NEBL: variants seen among roughly 807,000 people sequenced by gnomAD.
NEBL encodes LIM and SH3 protein 2.
NEBL carries 122 observed loss-of-function variants against 140.2 expected under a neutral mutation model. The observed-to-expected ratio is 0.87, with a 90% CI of 0.75 to 1.01. The LOEUF is 1.01. Among genes scored for constraint, NEBL ranks in the 50% least tolerant of loss-of-function variants. The probability of loss-of-function intolerance (pLI) is 0.00; values close to 1 mark genes in which losing one functional copy is unlikely to be tolerated. For missense variants in NEBL, 1,365 were observed against 1,231.3 expected, an observed-to-expected ratio of 1.11 and a Z score of -1.62; for synonymous variants, 436 against 398.9, an observed-to-expected ratio of 1.09 and a Z score of -1.11.
chr10:21,037,911 T>C (rs73607580), intron 2 of NEBL, among the ~76,000 whole-genome samples: 2,718 of 152,174 alleles, frequency 0.018, 89 homozygotes, highest in African/African-American at 0.062. Flanking sequence ...GTAAGAACCA[T>C]TTGCATCTTC....
intron 26 of NEBL, among the ~76,000 whole-genome samples, chr10:20,802,601 C>T (rs921946553): frequency 6.6e-6 from 1 of 152,140 alleles, no homozygotes. Context: ...ATGGAAAACA[C>T]ATAACCAAAA....
At chr10:21,106,254 C>T (rs1837712041) in intron 2 of NEBL, among the ~76,000 whole-genome samples, 1 of 152,198 alleles carries the variant, frequency 6.6e-6, no homozygotes, top group Non-Finnish European at 1.5e-5. Flanking sequence ...GTCATGGAGT[C>T]TTTGCCCATG....
At position 21,219,805 on chromosome 10, in the gene NEBL, G is replaced by T. The variant is rs145334673; in HGVS notation, n.348+28116C>A. Among the ~76,000 whole-genome samples the T allele has an allele frequency of 3.7e-3, 544 of 146,816 alleles. 5 individuals carry two copies. The highest frequency in any genetic ancestry group is 0.013 in the African/African-American group (523 of 40,162). Reference sequence around the variant, plus strand: ...TTCCAGTGTACAGATGTTTCACCTTGGTTTAATTTATTCCTCAATTTTTTG... The same window carrying T: ...TTCCAGTGTACAGATGTTTCACCTTTGTTTAATTTATTCCTCAATTTTTTG... On this transcript the variant is annotated intron_variant and non_coding_transcript_variant, in intron 3 of 8. Coordinates refer to the NEBL transcript ENST00000675702.
At chr10:20,809,759 T>C in intron 25 of NEBL, 47 bp downstream of exon 25, 1 of 1,409,210 alleles carries the variant, frequency 7.1e-7, no homozygotes, top group South Asian at 1.2e-5. Flanking sequence ...TGGTTCACTT[T>C]TGGGACAAAA....
At chr10:20,996,634 TCA>T (rs1837679317) in intron 3 of NEBL, among the ~76,000 whole-genome samples, 1 of 152,128 alleles carries the variant, frequency 6.6e-6, no homozygotes, top group Non-Finnish European at 1.5e-5. Context: ...TCCAAAACCC[TCA>T]CTCTTTCCTT....
At chr10:20,854,109 G>T (rs1842812884) in intron 9 of NEBL, among the ~76,000 whole-genome samples, 1 of 151,938 alleles carries the variant, frequency 6.6e-6, no homozygotes, top group African/African-American at 2.4e-5. Context: ...TTGTTATTTT[G>T]CCTTATTTGG....
chr10:20,822,661 A>C (rs1011396985), intron 19 of NEBL, among the ~76,000 whole-genome samples: 5 of 89,938 alleles, frequency 5.6e-5, no homozygotes, highest in African/African-American at 1.5e-4. Flanking sequence ...CTATATATAG[A>C]TATATAGAGA....
intron 2 of NEBL, among the ~76,000 whole-genome samples, chr10:21,158,580 C>T (rs1840427794): frequency 6.6e-6 from 1 of 152,152 alleles, no homozygotes; most frequent in Non-Finnish European, 1.5e-5. Flanking sequence ...CTTCACTCCC[C>T]CACCACATCC....
At chr10:20,956,958 T>C (rs941325966) in intron 4 of NEBL, among the ~76,000 whole-genome samples, 2 of 152,202 alleles carry the variant, frequency 1.3e-5, no homozygotes, top group African/African-American at 4.8e-5. Context: ...TTCTCTTGAC[T>C]GCTTGTCTTC....
intron 13 of NEBL, among the ~76,000 whole-genome samples, chr10:20,837,955 C>T (rs1196542161): frequency 1.3e-5 from 2 of 152,132 alleles, no homozygotes. Context: ...AGAAAGACTC[C>T]TTGAAAATAT....
chr10:20,793,256 G>T, intron 26 of NEBL: 1 of 725,752 alleles, frequency 1.4e-6, no homozygotes, highest in Non-Finnish European at 1.7e-6. Flanking sequence ...AAGTTTTAAA[G>T]ACATGCCTAA....
chr10:21,244,395 T>C (rs1392278164), intron 3 of NEBL, among the ~76,000 whole-genome samples: 2 of 152,030 alleles, frequency 1.3e-5, no homozygotes, highest in African/African-American at 4.8e-5. Flanking sequence ...CTCATGCCTG[T>C]AATCCCAGTA....
intron 2 of NEBL, among the ~76,000 whole-genome samples, chr10:21,130,983 C>T (rs1327817631): frequency 4.6e-5 from 7 of 151,772 alleles, no homozygotes; most frequent in African/African-American, 1.7e-4. Context: ...ATAATAAAAT[C>T]AATAAGCCTC....
At chr10:20,795,093 T>C (rs2131662202) in intron 26 of NEBL, among the ~76,000 whole-genome samples, 1 of 151,800 alleles carries the variant, frequency 6.6e-6, no homozygotes, top group Non-Finnish European at 1.5e-5. Flanking sequence ...GTGAGATTAA[T>C]TTCAAAATAA....
At chr10:20,855,069 C>T (rs1463945643) in intron 9 of NEBL, among the ~76,000 whole-genome samples, 1 of 151,686 alleles carries the variant, frequency 6.6e-6, no homozygotes, top group African/African-American at 2.4e-5. Flanking sequence ...ACTACAAATA[C>T]GAAATTAGCT....
intron 2 of NEBL, among the ~76,000 whole-genome samples, chr10:21,035,244 C>T (rs934991412): frequency 3.9e-5 from 6 of 152,116 alleles, no homozygotes; most frequent in Admixed American, 2.0e-4. Flanking sequence ...GTGATCTGCC[C>T]GCTTCGGCCT....
intron 1 of NEBL, among the ~76,000 whole-genome samples, chr10:21,288,822 A>ATG: frequency 1.4e-5 from 1 of 70,556 alleles, no homozygotes; most frequent in African/African-American, 6.4e-5. Flanking sequence ...GTGTGTGTGT[A>ATG]TATATATATA....
rs537826661 is a variant in NEBL at position 20,840,208 on chromosome 10, C to T, written c.1338+531G>A. Among the ~76,000 whole-genome samples, 7 of 152,218 alleles carry T rather than the reference C, an allele frequency of 4.6e-5. No homozygotes were observed. The South Asian group carries it at 1.5e-3, about 32-fold the overall frequency. On this transcript the variant is annotated intron_variant, in intron 13 of 27. Transcript: ENST00000377122. The stretch of plus-strand genomic sequence containing the variant: ...AAGTCTCTTAAAAGCACAGTGACAC[C>T]ATATGACCCAAAGTAATGACATAAT...
upstream of NEBL, among the ~76,000 whole-genome samples, chr10:21,176,836 T>A (rs112621245): frequency 7.1e-3 from 1,087 of 152,376 alleles, 10 homozygotes; most frequent in African/African-American, 0.025. Context: ...AAGTTGAATT[T>A]TTTTTAGCTA....
Sources: allele counts gnomAD v4.1 joint callset (sites outside exome capture counted in the v4.1 genomes callset), GRCh38; gene constraint gnomAD v4.1.1; transcripts MANE v1.5; gene names NCBI Gene and HGNC (gene_info 2026-07-23, HGNC 2026-07-21).